The following CTNNA3 variants were observed in gnomAD, a reference collection of about 807,000 sequenced individuals.
CTNNA3 encodes catenin alpha-3.
CTNNA3 carries 76 observed loss-of-function variants against 95.7 expected under a neutral mutation model. The ratio of observed to expected loss-of-function variants is 0.79; its 90% CI spans 0.66 to 0.96. The LOEUF (loss-of-function observed/expected upper bound fraction) is 0.96. Among genes scored for constraint, CTNNA3 ranks in the 40% least tolerant of loss-of-function variants. The pLI is 0.00. For missense variants in CTNNA3, 1,191 were observed against 1,089.8 expected (o/e 1.09, Z -1.31); for synonymous variants, 431 against 374.4 (o/e 1.15, Z -1.74).
intron 9 of CTNNA3, among the ~76,000 whole-genome samples, chr10:66,652,819 G>A (rs1845955498): frequency 6.6e-6 from 1 of 152,098 alleles, no homozygotes; most frequent in Non-Finnish European, 1.5e-5. Flanking sequence ...TTCCAGAGAT[G>A]CAGGTATGGT....
At chr10:67,199,643 A>C (rs1863549130) in intron 6 of CTNNA3, among the ~76,000 whole-genome samples, 1 of 152,166 alleles carries the variant, frequency 6.6e-6, no homozygotes, top group Non-Finnish European at 1.5e-5. Flanking sequence ...TGCTGGGATT[A>C]CAGACGTGAA....
intron 5 of CTNNA3, among the ~76,000 whole-genome samples, chr10:67,269,747 CTAGTATTACCAATCTGTTAATGTTGA>C (rs1446218701): frequency 6.6e-6 from 1 of 152,070 alleles, no homozygotes; most frequent in Non-Finnish European, 1.5e-5. Context: ...AGTTGAAGTC[CTAGTATTACCAATCTGTTAATGTTGA>C]CAGGAAGACT....
chr10:66,211,866 A>G (rs2088179219), intron 13 of CTNNA3, among the ~76,000 whole-genome samples: 1 of 151,806 alleles, frequency 6.6e-6, no homozygotes, highest in Non-Finnish European at 1.5e-5. Context: ...TCTCATGTCT[A>G]CTGTCCCTCT....
chr10:67,553,731 G>A (rs1382800841), intron 3 of CTNNA3, among the ~76,000 whole-genome samples: 1 of 151,674 alleles, frequency 6.6e-6, no homozygotes, highest in African/African-American at 2.4e-5. Context: ...TATTTTGAGG[G>A]TCAAATGACC....
intron 7 of CTNNA3, among the ~76,000 whole-genome samples, chr10:67,069,449 ATATAT>A (rs1323826281): frequency 8.5e-5 from 13 of 152,126 alleles, no homozygotes; most frequent in African/African-American, 2.9e-4. Flanking sequence ...AAGATTTTAT[ATATAT>A]TATATGTATA....
chr10:67,595,925 T>C (rs1842921376), intron 3 of CTNNA3, among the ~76,000 whole-genome samples: 1 of 152,224 alleles, frequency 6.6e-6, no homozygotes, highest in Non-Finnish European at 1.5e-5. Flanking sequence ...GAAGTCTGAC[T>C]TGTCTGAAAT....
chr10:66,663,056 T>A (rs569726376), intron 9 of CTNNA3, among the ~76,000 whole-genome samples: 1 of 152,172 alleles, frequency 6.6e-6, no homozygotes, highest in East Asian at 1.9e-4. Flanking sequence ...CTGAATCCAA[T>A]GGCACATTCT....
intron 7 of CTNNA3, among the ~76,000 whole-genome samples, chr10:67,091,411 C>A (rs965798939): frequency 1.3e-5 from 2 of 151,432 alleles, no homozygotes; most frequent in African/African-American, 4.9e-5. Context: ...TTTAAGGATG[C>A]CAATTTCCCA....
At chr10:66,918,645 A>C (rs1245382593) in intron 7 of CTNNA3, among the ~76,000 whole-genome samples, 1 of 152,244 alleles carries the variant, frequency 6.6e-6, no homozygotes, top group African/African-American at 2.4e-5. Flanking sequence ...AAAATGAAAG[A>C]GACTTCAAAT....
chr10:67,586,754 A>T (rs767864852), intron 3 of CTNNA3, among the ~76,000 whole-genome samples: 2 of 152,104 alleles, frequency 1.3e-5, no homozygotes, highest in African/African-American at 4.8e-5. Context: ...GCCAGTCTAC[A>T]TATTTAAGTG....
At chr10:66,420,274 G>T (rs964473479) in intron 11 of CTNNA3, among the ~76,000 whole-genome samples, 1 of 152,080 alleles carries the variant, frequency 6.6e-6, no homozygotes, top group African/African-American at 2.4e-5. Context: ...CAGGTACATG[G>T]AAAAATGCTC....
rs2076974334 is a variant in CTNNA3 at position 65,913,790 on chromosome 10, A to C, written c.*6540T>G. The C allele has an allele frequency of 6.6e-6, 1 of 152,158 alleles. No homozygotes were observed. Among genetic ancestry groups the C allele is most frequent in the Admixed American group, 6.6e-5 (1 of 15,262 alleles). 9.4% of individuals were successfully genotyped at this position (152,158 alleles called of 1,614,324 possible). Reference sequence around the variant, plus strand: ...ACTACAAATCTGGTGTTAAAAGCCCAGGTCAAGGAAATCCCTTAGTAGAAG... The same window carrying C: ...ACTACAAATCTGGTGTTAAAAGCCCCGGTCAAGGAAATCCCTTAGTAGAAG... On this transcript the variant is annotated 3_prime_UTR_variant, in exon 18 of 18. Transcript: ENST00000433211.
At chr10:66,531,119 C>G (rs1841451728) in intron 10 of CTNNA3, among the ~76,000 whole-genome samples, 1 of 152,044 alleles carries the variant, frequency 6.6e-6, no homozygotes, top group African/African-American at 2.4e-5. Flanking sequence ...ATTGGACAAC[C>G]TTCCAAATTA....
intron 5 of CTNNA3, among the ~76,000 whole-genome samples, chr10:67,394,334 G>C (rs192261668): frequency 5.3e-5 from 8 of 150,754 alleles, no homozygotes; most frequent in Admixed American, 4.6e-4. Context: ...AGTTAAATCA[G>C]TATGGGAAGT....
At chr10:66,211,618 G>C (rs1254968177) in intron 13 of CTNNA3, among the ~76,000 whole-genome samples, 1 of 152,210 alleles carries the variant, frequency 6.6e-6, no homozygotes, top group Non-Finnish European at 1.5e-5. Flanking sequence ...CCTAGATATT[G>C]AAAGGGGATG....
rs187911543 is a variant in CTNNA3, at chr10:66,435,347, G to T, written c.1532-55995C>A. 1.8e-4 allele frequency among the ~76,000 whole-genome samples: 28 copies of T among 152,244 alleles called. 1 individual carries two copies. In the East Asian group the frequency reaches 5.4e-3, roughly 29 times the overall value. On this transcript the variant is annotated intron_variant, in intron 11 of 17. Coordinates refer to ENST00000433211, the MANE Select transcript of CTNNA3 (RefSeq NM_013266.4). ...AGATCTTGTTATTGTTCTGTTCAGA[G>T]ATTCGACTTTTTCCTGGTTTAGTCT...
At chr10:66,673,761 CTGAATAAAATA>C (rs1846748028) in intron 9 of CTNNA3, among the ~76,000 whole-genome samples, 1 of 151,962 alleles carries the variant, frequency 6.6e-6, no homozygotes, top group South Asian at 2.1e-4. Context: ...CAAAAGACAT[CTGAATAAAATA>C]AACAGGAGTT....
intron 7 of CTNNA3, among the ~76,000 whole-genome samples, chr10:66,849,457 G>A (rs1253382775): frequency 1.3e-5 from 2 of 152,130 alleles, no homozygotes; most frequent in Non-Finnish European, 2.9e-5. Flanking sequence ...TGAATAGTGT[G>A]CCCCAAAATT....
chr10:67,194,204 T>C (rs575755370), intron 6 of CTNNA3, among the ~76,000 whole-genome samples: 1 of 152,034 alleles, frequency 6.6e-6, no homozygotes, highest in Non-Finnish European at 1.5e-5. Flanking sequence ...ACCCAGCAAT[T>C]GCACTTCTTG....
Sources: gnomAD v4.1 joint callset for allele counts (sites outside exome capture counted in the v4.1 genomes callset) on GRCh38, gnomAD v4.1.1 for gene constraint, MANE v1.5 for transcripts, NCBI Gene and HGNC (gene_info 2026-07-23, HGNC 2026-07-21) for gene names.